DLG2: variants seen among roughly 807,000 people sequenced by gnomAD.
DLG2 encodes disks large homolog 2.
A neutral mutation model predicts 132.5 loss-of-function variants in DLG2; 45 were observed. The observed-to-expected ratio is 0.34, with a 90% CI of 0.27 to 0.44. The LOEUF is 0.44. DLG2 is among the 20% of genes least tolerant of loss of function. The probability of loss-of-function intolerance (pLI) is 1.00; values close to 1 mark genes in which losing one functional copy is unlikely to be tolerated. For missense variants in DLG2, 1,045 were observed against 1,196.9 expected, an observed-to-expected ratio of 0.87 and a Z score of 1.87; for synonymous variants, 424 against 419.6, an observed-to-expected ratio of 1.01 and a Z score of -0.13.
At chr11:84,506,451 T>G (rs1159623030) in intron 7 of DLG2, among the ~76,000 whole-genome samples, 1 of 152,012 alleles carries the variant, frequency 6.6e-6, no homozygotes, top group Non-Finnish European at 1.5e-5. Context: ...GATGCTATGC[T>G]TCGGAGAGAA....
intron 6 of DLG2, among the ~76,000 whole-genome samples, chr11:84,819,426 A>C (rs2153981277): frequency 6.6e-6 from 1 of 152,036 alleles, no homozygotes; most frequent in East Asian, 2.0e-4. Flanking sequence ...AGTCCTCTTC[A>C]GATTCAAATG....
intron 3 of DLG2, among the ~76,000 whole-genome samples, chr11:85,331,062 A>G (rs1342077560): frequency 6.6e-6 from 1 of 152,182 alleles, no homozygotes; most frequent in Non-Finnish European, 1.5e-5. Context: ...GAAATGATAA[A>G]ATTCTAAAAT....
intron 11 of DLG2, among the ~76,000 whole-genome samples, chr11:84,011,428 A>G (rs1332042102): frequency 1.3e-5 from 2 of 152,068 alleles, no homozygotes; most frequent in East Asian, 3.9e-4. Flanking sequence ...TTGTGACAGT[A>G]CCACTGTATT....
intron 3 of DLG2, among the ~76,000 whole-genome samples, chr11:85,434,182 G>A (rs1292431459): frequency 2.0e-5 from 3 of 152,130 alleles, no homozygotes; most frequent in Non-Finnish European, 2.9e-5. Context: ...TGTGTTAAGA[G>A]GGAAATTTAT....
In DLG2 at chr11:84,178,517, G is replaced by C. The variant is rs528967682; in HGVS notation, c.574-15006C>G. ...CCTTGCACACATGCACAGGAGATAG[G>C]AAAAGGAAGGCCTATTCGAAAATAA... On this transcript the variant is annotated intron_variant, in intron 8 of 27. Coordinates refer to ENST00000376104, the MANE Select transcript of DLG2 (RefSeq NM_001142699.3). Among the ~76,000 whole-genome samples, 14 of 152,236 alleles carry C rather than the reference G, an allele frequency of 9.2e-5. No individual in the cohort carries two copies. In the South Asian group the frequency reaches 2.9e-3, roughly 32 times the overall value.
At position 83,532,566 on chromosome 11, in the gene DLG2, T is replaced by G. The variant is rs2095780734; in HGVS notation, c.2193+142A>C. The G allele has an allele frequency of 1.0e-5, 7 of 666,674 alleles. No individual in the cohort carries two copies. The South Asian group carries it at 1.1e-4, about 10-fold the overall frequency. 41.3% of individuals were successfully genotyped at this position (666,674 alleles called of 1,614,324 possible). On this transcript the variant is annotated intron_variant, in intron 21 of 27. Transcript: ENST00000376104. ...TCCATTTCATCAGAAATCACATTAT[T>G]AACTTCAGCAATATATTTATAACAG...
chr11:84,880,561 T>C (rs1038334325), intron 6 of DLG2, among the ~76,000 whole-genome samples: 1 of 152,154 alleles, frequency 6.6e-6, no homozygotes, highest in East Asian at 1.9e-4. Context: ...GCCTTGCAGA[T>C]GCTTATGCTA....
intron 16 of DLG2, among the ~76,000 whole-genome samples, chr11:83,857,742 G>T (rs2060774066): frequency 6.6e-6 from 1 of 151,678 alleles, no homozygotes; most frequent in Non-Finnish European, 1.5e-5. Flanking sequence ...TTCTCTGGTG[G>T]AGGATGTTAA....
chr11:83,882,339 A>G (rs573999254), intron 15 of DLG2, among the ~76,000 whole-genome samples: 1 of 152,372 alleles, frequency 6.6e-6, no homozygotes, highest in South Asian at 2.1e-4. Flanking sequence ...ATAGAAATGC[A>G]AAGTGTAAGA....
intron 3 of DLG2, among the ~76,000 whole-genome samples, chr11:85,290,906 C>G (rs927541640): frequency 6.6e-6 from 1 of 151,998 alleles, no homozygotes; most frequent in African/African-American, 2.4e-5. Context: ...ATAAATAGGA[C>G]TGGATTTTCA....
At chr11:83,818,376 G>A (rs1037752770) in intron 17 of DLG2, among the ~76,000 whole-genome samples, 1 of 152,120 alleles carries the variant, frequency 6.6e-6, no homozygotes. Context: ...CATTACCAAG[G>A]AAAACATGAA....
chr11:83,461,422 GA>G (rs1469471289), intron 27 of DLG2: 2 of 152,086 alleles, frequency 1.3e-5, no homozygotes, highest in Non-Finnish European at 2.9e-5. Context: ...AGGCTCTCCA[GA>G]AGAAAACCTC....
At chr11:83,882,693 A>G (rs2066618042) in intron 15 of DLG2, among the ~76,000 whole-genome samples, 1 of 152,234 alleles carries the variant, frequency 6.6e-6, no homozygotes, top group Admixed American at 6.5e-5. Context: ...TAAGACATGC[A>G]GGCAGTTTTT....
At chr11:83,639,153 T>C (rs2065675307) in intron 18 of DLG2, among the ~76,000 whole-genome samples, 1 of 152,112 alleles carries the variant, frequency 6.6e-6, no homozygotes, top group Non-Finnish European at 1.5e-5. Context: ...AACAATACAC[T>C]CAGTGGGTTA....
chr11:85,082,589 C>A (rs1379137172), intron 6 of DLG2, among the ~76,000 whole-genome samples: 3 of 151,886 alleles, frequency 2.0e-5, no homozygotes, highest in African/African-American at 7.3e-5. Context: ...TCATTAGAAG[C>A]CTTCTCTTGA....
chr11:83,502,711 C>G (rs2094499449), intron 21 of DLG2, among the ~76,000 whole-genome samples: 1 of 152,072 alleles, frequency 6.6e-6, no homozygotes, highest in Admixed American at 6.5e-5. Context: ...CATACCTATC[C>G]TAAAGGTTAT....
chr11:83,982,459 T>A (rs1183918858), intron 11 of DLG2, among the ~76,000 whole-genome samples: 2 of 149,880 alleles, frequency 1.3e-5, no homozygotes, highest in Non-Finnish European at 3.0e-5. Context: ...TGTCTTCATT[T>A]TTAACAAAAA....
chr11:84,655,343 C>G (rs1031892630), intron 6 of DLG2, among the ~76,000 whole-genome samples: 2 of 152,162 alleles, frequency 1.3e-5, no homozygotes, highest in African/African-American at 4.8e-5. Flanking sequence ...TACTTTGACT[C>G]CATATGCTTT....
At chr11:83,545,575 T>C (rs10792689) in intron 19 of DLG2, among the ~76,000 whole-genome samples, 99,967 of 151,890 alleles carry the variant, frequency 0.66, 33,410 homozygotes, top group Middle Eastern at 0.75. Context: ...CCCGTCTTCT[T>C]TCATGTCTCT....
Sources: gnomAD v4.1 joint callset for allele counts (sites outside exome capture counted in the v4.1 genomes callset) on GRCh38, gnomAD v4.1.1 for gene constraint, MANE v1.5 for transcripts, NCBI Gene and HGNC (gene_info 2026-07-23, HGNC 2026-07-21) for gene names.